The following NBEA variants were observed in gnomAD, a reference collection of about 807,000 sequenced individuals.
The protein encoded by NBEA is lysosomal-trafficking regulator 2.
Under a neutral mutation model 343.4 loss-of-function variants are expected in NBEA, and 44 were observed. That is an observed-to-expected ratio of 0.13 (90% CI 0.10 to 0.16). The LOEUF is 0.16. Among genes scored for constraint, NBEA ranks in the 10% least tolerant of loss-of-function variants. The pLI is 1.00. For missense variants in NBEA, 2,555 were observed against 3,631.3 expected (o/e 0.70, Z 7.62); for synonymous variants, 1,175 against 1,238.7 (o/e 0.95, Z 1.08).
intron 1 of NBEA, among the ~76,000 whole-genome samples, chr13:34,974,281 A>G (rs2060094321): frequency 6.6e-6 from 1 of 152,126 alleles, no homozygotes; most frequent in Non-Finnish European, 1.5e-5. Flanking sequence ...TGTGAGAGCC[A>G]TGCACCATTG....
chr13:35,122,400 A>G (rs533246044), intron 16 of NBEA, among the ~76,000 whole-genome samples: 10 of 152,070 alleles, frequency 6.6e-5, no homozygotes, highest in Non-Finnish European at 1.3e-4. Context: ...ATAAAAAATG[A>G]TGAGTTCATG....
intron 1 of NBEA, among the ~76,000 whole-genome samples, chr13:34,972,038 G>A (rs925607810): frequency 2.0e-5 from 3 of 151,922 alleles, no homozygotes; most frequent in African/African-American, 7.2e-5. Flanking sequence ...GTCAGTTCAG[G>A]GATTCAGTTT....
chr13:35,647,856 C>A (rs546306940), intron 51 of NBEA, among the ~76,000 whole-genome samples: 1 of 152,024 alleles, frequency 6.6e-6, no homozygotes, highest in African/African-American at 2.4e-5. Context: ...TGAGTCACCA[C>A]GCCCGACCTA....
chr13:35,635,444 A>G (rs572094379), intron 49 of NBEA, among the ~76,000 whole-genome samples: 97 of 152,344 alleles, frequency 6.4e-4, no homozygotes, highest in Admixed American at 1.9e-3. Context: ...TCTTAAAACC[A>G]TCTTAATTTC....
chr13:35,079,666 AT>A lies in NBEA; in HGVS notation c.1571+8815del, dbSNP rs2064286643. 2.0e-5 allele frequency among the ~76,000 whole-genome samples: 3 copies of A among 152,294 alleles called. No individual in the cohort carries two copies. The South Asian group carries it at 6.2e-4, about 32-fold the overall frequency. On this transcript the variant is annotated intron_variant, in intron 10 of 58. Transcript: ENST00000379939. ...GTCCCATATAGAATGCATGGATGGT[AT>A]CTTTTTACCTAAGAAAGCACATATT...
intron 1 of NBEA, among the ~76,000 whole-genome samples, chr13:35,010,252 C>A (rs2061438010): frequency 6.6e-6 from 1 of 151,930 alleles, no homozygotes; most frequent in African/African-American, 2.4e-5. Context: ...AAAACAGAGA[C>A]AATTCAAATT....
chr13:35,269,223 A>G (rs550184593), intron 34 of NBEA, among the ~76,000 whole-genome samples: 2 of 152,264 alleles, frequency 1.3e-5, no homozygotes, highest in South Asian at 4.1e-4. Context: ...TATATTAAAC[A>G]TTGTTTTCTC....
At chr13:35,194,262 A>G (rs891392000) in intron 30 of NBEA, among the ~76,000 whole-genome samples, 1 of 152,040 alleles carries the variant, frequency 6.6e-6, no homozygotes, top group Non-Finnish European at 1.5e-5. Flanking sequence ...AGAAGCTGTG[A>G]TCACACCCAA....
rs373177573 is a variant in NBEA at position 35,070,125 on chromosome 13, G to A, written c.1437+20G>A. On this transcript the variant is annotated intron_variant, in intron 9 of 58. Transcript: ENST00000379939. ...CTTCAGGTGGGTGAATCGTGGCTTT[G>A]TTTTCATGTTCTTGTCAGAATTTGA... The A allele has an allele frequency of 1.4e-6, 2 of 1,457,074 alleles. No individual in the cohort carries two copies. The highest frequency in any genetic ancestry group is 1.8e-6 in the Non-Finnish European group (2 of 1,092,934). The allele number at this position is 1,457,074 out of a possible 1,614,324, so 90.3% of individuals were successfully genotyped here. A position where few individuals can be genotyped will look rare whatever the true frequency, so the allele number is the denominator to read the frequency against.
In NBEA at chr13:35,472,396, G is replaced by T. The variant is rs769482547; in HGVS notation, c.6449-4G>T. On this transcript the variant is annotated splice_region_variant and splice_polypyrimidine_tract_variant and intron_variant, in intron 40 of 58. Coordinates refer to ENST00000379939, the MANE Select transcript of NBEA (RefSeq NM_001385012.1). ...GCCTGACTCCCCTTGTCCTTGCCTT[G>T]CAGGCCCAGTGGTTCTCAGCACCCC... 12 of 1,612,314 alleles carry T rather than the reference G, an allele frequency of 7.4e-6. No homozygotes were observed. The highest frequency in any genetic ancestry group is 1.0e-5 in the Non-Finnish European group (12 of 1,179,248).
intron 41 of NBEA, among the ~76,000 whole-genome samples, chr13:35,489,748 T>A (rs1055569286): frequency 6.6e-6 from 1 of 151,882 alleles, no homozygotes; most frequent in South Asian, 2.1e-4. Context: ...TGCAAGTAGA[T>A]AATAGCATAG....
intron 41 of NBEA, among the ~76,000 whole-genome samples, chr13:35,491,129 T>G (rs2076485766): frequency 6.6e-6 from 1 of 151,980 alleles, no homozygotes; most frequent in East Asian, 1.9e-4. Flanking sequence ...ATCTCCAGAC[T>G]TCTGAGTTTA....
At chr13:35,315,861 G>T (rs892365039) in intron 36 of NBEA, among the ~76,000 whole-genome samples, 1 of 151,964 alleles carries the variant, frequency 6.6e-6, no homozygotes, top group South Asian at 2.1e-4. Context: ...TAACCAACAA[G>T]CATTGGTTTG....
chr13:35,493,070 T>C (rs950825595), intron 41 of NBEA, among the ~76,000 whole-genome samples: 3 of 151,970 alleles, frequency 2.0e-5, no homozygotes, highest in Admixed American at 1.3e-4. Flanking sequence ...ATAGATTGTC[T>C]ATATGAATAC....
chr13:35,428,429 A>C (rs1411076528), intron 38 of NBEA, among the ~76,000 whole-genome samples: 1 of 152,060 alleles, frequency 6.6e-6, no homozygotes, highest in African/African-American at 2.4e-5. Context: ...TCTGTTATTC[A>C]GTTTGCATAA....
At chr13:35,208,214 G>A (rs1000840045) in intron 31 of NBEA, among the ~76,000 whole-genome samples, 2 of 151,988 alleles carry the variant, frequency 1.3e-5, no homozygotes, top group Admixed American at 6.6e-5. Context: ...GTGAAATTCT[G>A]TCTCAAAAAA....
intron 1 of NBEA, among the ~76,000 whole-genome samples, chr13:34,948,541 T>G (rs1164367852): frequency 6.6e-6 from 1 of 152,204 alleles, no homozygotes; most frequent in African/African-American, 2.4e-5. Flanking sequence ...TTTACTATTG[T>G]TATTTATTTC....
At chr13:35,321,872 TTCCC>T (rs2038171173) in intron 36 of NBEA, among the ~76,000 whole-genome samples, 1 of 152,174 alleles carries the variant, frequency 6.6e-6, no homozygotes, top group African/African-American at 2.4e-5. Flanking sequence ...CAGTTGAAAC[TTCCC>T]GGTGGCTTTG....
chr13:35,619,243 A>AC (rs2082872395), intron 48 of NBEA, among the ~76,000 whole-genome samples: 1 of 152,032 alleles, frequency 6.6e-6, no homozygotes, highest in African/African-American at 2.4e-5. Context: ...CATCTCTGGA[A>AC]CACCTGTTAG....
Sources: gnomAD v4.1 joint callset for allele counts (sites outside exome capture counted in the v4.1 genomes callset) on GRCh38, gnomAD v4.1.1 for gene constraint, MANE v1.5 for transcripts, NCBI Gene and HGNC (gene_info 2026-07-23, HGNC 2026-07-21) for gene names.